RIF1: variants seen among roughly 807,000 people sequenced by gnomAD.
The protein encoded by RIF1 is replication timing regulatory factor 1, also known as telomere-associated protein RIF1.
RIF1 carries 45 observed loss-of-function variants against 247.1 expected under a neutral mutation model. That is an observed-to-expected ratio of 0.18 (90% CI 0.14 to 0.23). RIF1 has a LOEUF of 0.23. RIF1 is among the 10% of genes least tolerant of loss of function. The pLI, the probability that RIF1 is intolerant of heterozygous loss-of-function variation, is 1.00. For synonymous variants in RIF1, 1,087 were observed against 978.8 expected (o/e 1.11, Z -2.06); for missense variants, 2,967 against 2,862.5 (o/e 1.04, Z -0.83).
intron 35 of RIF1, among the ~76,000 whole-genome samples, 187 bp downstream of exon 35, chr2:151,474,259 T>A (rs1301884260): frequency 1.3e-5 from 2 of 152,230 alleles, no homozygotes; most frequent in Non-Finnish European, 2.9e-5. Flanking sequence ...TGTCAACTTC[T>A]CCATCAAGGT....
chr2:151,511,802 G>A (rs1427503869), downstream of RIF1, among the ~76,000 whole-genome samples: 1 of 152,192 alleles, frequency 6.6e-6, no homozygotes, highest in Admixed American at 6.5e-5. Flanking sequence ...GGGTTAGACT[G>A]TGTGGTCTCA....
At chr2:151,496,466 C>T (rs1006710883) in intron 10 of RIF1, 7 of 1,476,680 alleles carry the variant, frequency 4.7e-6, no homozygotes, top group Non-Finnish European at 6.4e-6. Flanking sequence ...TAAGAAAACA[C>T]AGTCGTCCAA....
chr2:151,462,815 C>T (rs1278557665), intron 29 of RIF1, 69 bp from the exon 30 acceptor site: 2 of 1,235,048 alleles, frequency 1.6e-6, no homozygotes, highest in Non-Finnish European at 2.2e-6. Flanking sequence ...TAAAGTTTTC[C>T]CAGAAAGTCA....
chr2:151,467,375 CTCTGTCTGTA>C (rs1317668228), intron 30 of RIF1, among the ~76,000 whole-genome samples: 2 of 152,062 alleles, frequency 1.3e-5, no homozygotes, highest in Non-Finnish European at 2.9e-5. Flanking sequence ...TGGAGTCTTA[CTCTGTCTGTA>C]AGACAGAGTA....
chr2:151,524,197 G>T, the RIF1 span: 4 of 854,256 alleles, frequency 4.7e-6, no homozygotes, highest in East Asian at 5.2e-5. Context: ...AAGCTTTGCA[G>T]TACTATTACA....
intron 9 of RIF1, among the ~76,000 whole-genome samples, chr2:151,430,674 C>T (rs1689949505): frequency 6.6e-6 from 1 of 151,518 alleles, no homozygotes; most frequent in South Asian, 2.1e-4. Context: ...AGTTTCCCCC[C>T]CTCCCCCCAC....
chr2:151,465,754 A>T lies in RIF1; in HGVS notation c.6234A>T (p.Gly2078=), dbSNP rs1574138540. ...CDTVEMSTEE[G]IIDANKTETN... ...CAGTTGAAATGAGCACTGAAGAAGGAATCATTGACGCTAATAAAACTGAAA... is the reference window on the plus strand; with the variant it reads ...CAGTTGAAATGAGCACTGAAGAAGGTATCATTGACGCTAATAAAACTGAAA... The change falls in exon 30 of 36, where the codon GGA becomes GGT. Residue 2078 remains glycine, a synonymous_variant. Coordinates refer to ENST00000444746, the MANE Select transcript of RIF1 (RefSeq NM_018151.5). 6.2e-7 allele frequency: 1 copy of T among 1,613,688 alleles called. No individual in the cohort carries two copies. The highest frequency in any genetic ancestry group is 2.2e-5 in the East Asian group (1 of 44,880).
At position 151,462,571 on chromosome 2, in the gene RIF1, AATTT is replaced by A. The variant is rs1485533002; in HGVS notation, c.3363+109_3363+112del. On this transcript the variant is annotated intron_variant, in intron 29 of 35. Transcript: ENST00000444746. ...TAGGTCTTCCCTTTATTAATTTTAA[AATTT>A]ATTGTAGATTTATTGTATGATTTCC... The A allele has an allele frequency of 4.4e-5, 32 of 732,116 alleles. No individual in the cohort carries two copies. In the East Asian group the frequency reaches 8.5e-4, roughly 19 times the overall value. The allele number at this position is 732,116 out of a possible 1,614,324, so 45.4% of individuals were successfully genotyped here.
At chr2:151,473,290 T>C (rs1233166321) in intron 34 of RIF1, among the ~76,000 whole-genome samples, 2 of 144,180 alleles carry the variant, frequency 1.4e-5, no homozygotes, top group East Asian at 4.4e-4. Context: ...GAAAATTGTA[T>C]CCTTTTTTTT....
rs774100785 is a variant in RIF1, at chr2:151,463,545, A to G, written c.4025A>G (p.Gln1342Arg). The change falls in exon 30 of 36, where the codon CAG (glutamine) becomes CGG (arginine). Residue 1342 changes from glutamine to arginine, a missense_variant. This residue lies in a region of RIF1 where 2,028 missense variants were observed against 1,825.6 expected (regional missense o/e 1.11). Coordinates refer to ENST00000444746, the MANE Select transcript of RIF1 (RefSeq NM_018151.5). The stretch of plus-strand genomic sequence containing the variant: ...CAAACAGAATGTGTGTCAGATAATC[A>G]GGTTCATCTTTCTGAATCTACAATG... ...LNQTECVSDNQVHLSESTMEH... is the reference protein window; with the variant it reads ...LNQTECVSDNRVHLSESTMEH... 9.2e-5 allele frequency: 148 copies of G among 1,613,926 alleles called. No individual in the cohort carries two copies. The highest frequency in any genetic ancestry group is 1.6e-4 in the Middle Eastern group (1 of 6,084).
At chr2:151,512,149 G>T (rs541884259), downstream of RIF1, among the ~76,000 whole-genome samples, 68 of 149,492 alleles carry the variant, frequency 4.5e-4, no homozygotes, top group African/African-American at 1.6e-3. Context: ...TCCTGCCTCA[G>T]CCTCCCAAGT....
At position 151,420,420 on chromosome 2, in the gene RIF1, C is replaced by T. The variant is rs369634311; in HGVS notation, c.693+41C>T. 9.0e-4 allele frequency: 1,427 copies of T among 1,588,202 alleles called. 1 individual carries two copies. The highest frequency in any genetic ancestry group is 1.1e-3 in the Non-Finnish European group (1,252 of 1,159,694). ...TGTAAGAATTTTCTGGATACTGCAT[C>T]GGAAGGTTCTGCACTAAGCTTAAAA... On this transcript the variant is annotated intron_variant, in intron 7 of 35. Transcript: ENST00000444746.
chr2:151,496,957 T>C, intron 10 of RIF1: 1 of 1,577,026 alleles, frequency 6.3e-7, no homozygotes, highest in Non-Finnish European at 8.6e-7. Flanking sequence ...AATATTTTCT[T>C]GATTGTGTTT....
At chr2:151,509,553 T>C (rs1436529792), downstream of RIF1, among the ~76,000 whole-genome samples, 2 of 152,108 alleles carry the variant, frequency 1.3e-5, no homozygotes, top group East Asian at 3.9e-4. Flanking sequence ...AAATTGAGGG[T>C]TGGACTGCTA....
At position 151,420,232 on chromosome 2, in the gene RIF1, G is replaced by A; in HGVS notation, c.546G>A (p.Val182=). The A allele has an allele frequency of 1.2e-6, 2 of 1,614,168 alleles. No individual in the cohort carries two copies. Among genetic ancestry groups the A allele is most frequent in the Non-Finnish European group, 1.7e-6 (2 of 1,180,016 alleles). ...QAPIQMGEEA[V]RWAKLVIPLV... ...CAATTCAAATGGGAGAAGAGGCAGT[G>A]AGGTGGGCAAAACTGGTCATACCTT... The change falls in exon 7 of 36, where the codon GTG becomes GTA. Residue 182 remains valine (V), a synonymous_variant. Transcript: ENST00000444746.
the RIF1 span, chr2:151,525,976 C>A: frequency 6.2e-7 from 1 of 1,613,952 alleles, no homozygotes. Flanking sequence ...CATGCTTGGT[C>A]ACTTCCTTGA....
At chr2:151,519,827 G>A in the RIF1 span, 1 of 1,152,630 alleles carries the variant, frequency 8.7e-7, no homozygotes. Flanking sequence ...TGGGAATTGG[G>A]GAATAGTAGA....
At chr2:151,516,706 G>A in the RIF1 span, 1 of 660,396 alleles carries the variant, frequency 1.5e-6, no homozygotes, top group East Asian at 2.7e-5. Context: ...TTATGTTTCA[G>A]ATCCAGTACA....
intron 10 of RIF1, among the ~76,000 whole-genome samples, chr2:151,433,476 A>G (rs1192458603): frequency 6.6e-6 from 1 of 152,060 alleles, no homozygotes; most frequent in African/African-American, 2.4e-5. Flanking sequence ...TTATTTTGAG[A>G]TGGAGTCTTG....
Sources: gnomAD v4.1 joint callset for allele counts (sites outside exome capture counted in the v4.1 genomes callset) on GRCh38, gnomAD v4.1.1 for gene constraint, gnomAD v4.1.1 regional missense constraint, MANE v1.5 for transcripts, NCBI Gene and HGNC (gene_info 2026-07-23, HGNC 2026-07-21) for gene names.